ANKS1B: variants seen among roughly 807,000 people sequenced by gnomAD.
ANKS1B encodes ankyrin repeat and sterile alpha motif domain-containing protein 1B.
In ANKS1B, 36 loss-of-function variants were observed where a neutral mutation model predicts 148.3. The observed-to-expected ratio is 0.24, with a 90% CI of 0.19 to 0.32. The LOEUF (loss-of-function observed/expected upper bound fraction) is 0.32. Among genes scored for constraint, ANKS1B ranks in the 10% least tolerant of loss-of-function variants. The pLI is 1.00. For synonymous variants in ANKS1B, 542 were observed against 560.8 expected, an observed-to-expected ratio of 0.97 and a Z score of 0.47; for missense variants, 1,157 against 1,542.6, an observed-to-expected ratio of 0.75 and a Z score of 4.19.
chr12:99,128,758 T>C (rs2065181742), intron 15 of ANKS1B, among the ~76,000 whole-genome samples: 1 of 152,078 alleles, frequency 6.6e-6, no homozygotes. Context: ...TCACTGTTTG[T>C]GGTAGAAAGG....
intron 12 of ANKS1B, among the ~76,000 whole-genome samples, chr12:99,286,526 G>A (rs1458376460): frequency 6.6e-6 from 1 of 152,094 alleles, no homozygotes; most frequent in African/African-American, 2.4e-5. Context: ...GAAAGGAGAG[G>A]GAAGAGTAAA....
At chr12:99,296,810 G>T (rs1435741288) in intron 12 of ANKS1B, among the ~76,000 whole-genome samples, 1 of 152,108 alleles carries the variant, frequency 6.6e-6, no homozygotes, top group East Asian at 1.9e-4. Context: ...TTTGACAAAT[G>T]TGCATTTAAG....
chr12:99,316,031 T>C (rs2084022179), intron 12 of ANKS1B, among the ~76,000 whole-genome samples: 2 of 152,346 alleles, frequency 1.3e-5, no homozygotes, highest in Non-Finnish European at 1.5e-5. Context: ...CAGTATTCCA[T>C]GGTGTATATG....
At chr12:98,838,975 G>C (rs540124282) in intron 17 of ANKS1B, among the ~76,000 whole-genome samples, 1 of 152,134 alleles carries the variant, frequency 6.6e-6, no homozygotes, top group Non-Finnish European at 1.5e-5. Context: ...ATTCCATTTC[G>C]AATTCCTGCA....
chr12:99,901,702 C>T (rs141319338), intron 1 of ANKS1B, among the ~76,000 whole-genome samples: 66 of 152,268 alleles, frequency 4.3e-4, no homozygotes, highest in African/African-American at 1.6e-3. Context: ...ACTGCTGATG[C>T]CAACATCAGT....
chr12:98,840,542 G>T (rs1383424304), intron 17 of ANKS1B, among the ~76,000 whole-genome samples: 2 of 152,116 alleles, frequency 1.3e-5, no homozygotes, highest in Non-Finnish European at 2.9e-5. Flanking sequence ...TCATTAAATA[G>T]GAAATACTAA....
intron 12 of ANKS1B, among the ~76,000 whole-genome samples, chr12:99,262,926 G>A (rs1431690714): frequency 2.6e-5 from 4 of 151,792 alleles, no homozygotes; most frequent in Non-Finnish European, 5.9e-5. Context: ...ATCATCTTCG[G>A]ACCTGTTTTC....
chr12:99,702,296 T>C (rs2054960696), intron 8 of ANKS1B, among the ~76,000 whole-genome samples: 1 of 152,312 alleles, frequency 6.6e-6, no homozygotes. Context: ...ATCAATGATG[T>C]TGAGCACCTT....
At chr12:99,193,935 G>C (rs1225110603) in intron 14 of ANKS1B, among the ~76,000 whole-genome samples, 1 of 150,282 alleles carries the variant, frequency 6.7e-6, no homozygotes, top group Non-Finnish European at 1.5e-5. Flanking sequence ...CTGAGTAGCC[G>C]GGACTATAGG....
rs149967664 is a variant in ANKS1B, at chr12:99,810,561, A to G, written c.372+1594T>C. Among the ~76,000 whole-genome samples, 57 of 152,138 alleles carry G rather than the reference A, an allele frequency of 3.7e-4. No homozygotes were observed. In the East Asian group the frequency reaches 8.5e-3, roughly 23 times the overall value. On this transcript the variant is annotated intron_variant, in intron 3 of 26. Coordinates refer to ENST00000683438, the MANE Select transcript of ANKS1B (RefSeq NM_001352186.2). ...AAATTATGGTATTAAAAATCGTAAG[A>G]AAGTTGCAACTTCTTGCCAATAGAA... is the stretch of plus-strand genomic sequence containing the variant.
chr12:98,914,289 A>C (rs1042939050), intron 17 of ANKS1B, among the ~76,000 whole-genome samples: 1 of 152,132 alleles, frequency 6.6e-6, no homozygotes, highest in African/African-American at 2.4e-5. Flanking sequence ...CTGAGGCCTC[A>C]GGAGAAGCAC....
At chr12:99,659,249 T>C (rs1057183153) in intron 8 of ANKS1B, among the ~76,000 whole-genome samples, 2 of 152,206 alleles carry the variant, frequency 1.3e-5, no homozygotes, top group African/African-American at 4.8e-5. Context: ...AAATATTTTA[T>C]CAAGCTACAT....
intron 17 of ANKS1B, among the ~76,000 whole-genome samples, chr12:98,994,215 T>C (rs1477053451): frequency 6.6e-6 from 1 of 152,190 alleles, no homozygotes; most frequent in African/African-American, 2.4e-5. Context: ...CCCTGTAACA[T>C]AAGGATAGTG....
intron 12 of ANKS1B, among the ~76,000 whole-genome samples, chr12:99,335,233 T>G (rs2088553736): frequency 6.6e-6 from 1 of 152,004 alleles, no homozygotes; most frequent in Admixed American, 6.6e-5. Flanking sequence ...GGGTACATAG[T>G]AGATGTATAT....
At chr12:98,860,184 T>C (rs1406797334) in intron 17 of ANKS1B, among the ~76,000 whole-genome samples, 1 of 152,268 alleles carries the variant, frequency 6.6e-6, no homozygotes, top group Non-Finnish European at 1.5e-5. Context: ...AATATCCTGA[T>C]ACACATCCTT....
In ANKS1B at chr12:99,870,767, T is replaced by C. The variant is rs560621205; in HGVS notation, c.135-45378A>G. Among the ~76,000 whole-genome samples the C allele has an allele frequency of 3.3e-5, 5 of 152,314 alleles. No individual in the cohort carries two copies. The South Asian group carries it at 1.0e-3, about 32-fold the overall frequency. On this transcript the variant is annotated intron_variant, in intron 1 of 26. Transcript: ENST00000683438. ...TATTTTGCTCACTTTTTAGAAGGGA[T>C]ATTTGGTTTTTGCTTTTTGAAATGT...
chr12:99,335,822 G>A (rs1297112497), intron 12 of ANKS1B, among the ~76,000 whole-genome samples: 2 of 152,060 alleles, frequency 1.3e-5, no homozygotes, highest in East Asian at 3.9e-4. Flanking sequence ...CAATAAACAT[G>A]GGAGTGTGTA....
intron 14 of ANKS1B, among the ~76,000 whole-genome samples, chr12:99,234,182 C>T (rs1022232469): frequency 2.0e-5 from 3 of 152,112 alleles, no homozygotes; most frequent in Non-Finnish European, 2.9e-5. Flanking sequence ...CTACATAAAA[C>T]GGTGTTTCCT....
At chr12:99,901,087 C>T (rs1005986951) in intron 1 of ANKS1B, among the ~76,000 whole-genome samples, 5 of 152,002 alleles carry the variant, frequency 3.3e-5, no homozygotes, top group South Asian at 4.2e-4. Context: ...ATAAAAATCA[C>T]GAGTTAAAAA....
Sources: gnomAD v4.1 joint callset for allele counts (sites outside exome capture counted in the v4.1 genomes callset) on GRCh38, gnomAD v4.1.1 for gene constraint, MANE v1.5 for transcripts, NCBI Gene and HGNC (gene_info 2026-07-23, HGNC 2026-07-21) for gene names.